MAPK8: variants seen among roughly 807,000 people sequenced by gnomAD.
MAPK8 encodes JUN N-terminal kinase.
Under a neutral mutation model 52.9 loss-of-function variants are expected in MAPK8, and 13 were observed. The ratio of observed to expected loss-of-function variants is 0.25; its 90% CI spans 0.16 to 0.39. MAPK8 has a LOEUF of 0.39. Ranked by LOEUF, MAPK8 falls within the 10% of genes least tolerant of loss-of-function variation. MAPK8 has a pLI of 1.00. For synonymous variants in MAPK8, 191 were observed against 169.8 expected, an observed-to-expected ratio of 1.12 and a Z score of -0.97; for missense variants, 300 against 519.2, an observed-to-expected ratio of 0.58 and a Z score of 4.10.
At chr10:48,333,075 T>C (rs1179106753) in intron 1 of MAPK8, among the ~76,000 whole-genome samples, 1 of 152,214 alleles carries the variant, frequency 6.6e-6, no homozygotes, top group African/African-American at 2.4e-5. Context: ...TATCTCATCA[T>C]GTAGTAGAGC....
chr10:48,432,702 ATG>A (rs1413690665), intron 11 of MAPK8, among the ~76,000 whole-genome samples: 4 of 152,318 alleles, frequency 2.6e-5, no homozygotes, highest in Non-Finnish European at 5.9e-5. Flanking sequence ...GTTTGAGTAA[ATG>A]TAATAATTTC....
At chr10:48,367,871 G>T (rs1351374756) in intron 1 of MAPK8, among the ~76,000 whole-genome samples, 1 of 152,190 alleles carries the variant, frequency 6.6e-6, no homozygotes, top group African/African-American at 2.4e-5. Context: ...AGGCATCAAG[G>T]CAGAAAAGCT....
intron 1 of MAPK8, among the ~76,000 whole-genome samples, chr10:48,334,233 T>G (rs1252540494): frequency 3.9e-5 from 6 of 152,140 alleles, no homozygotes; most frequent in African/African-American, 1.4e-4. Flanking sequence ...CCTCTTTCCT[T>G]TGTCCCCTAA....
chr10:48,407,191 A>G (rs892890777), intron 3 of MAPK8, among the ~76,000 whole-genome samples: 2 of 152,116 alleles, frequency 1.3e-5, no homozygotes, highest in South Asian at 2.1e-4. Flanking sequence ...TGCTCAGGAT[A>G]TCTTTGTAAT....
chr10:48,357,782 C>T (rs1847118356), intron 1 of MAPK8, among the ~76,000 whole-genome samples: 1 of 152,276 alleles, frequency 6.6e-6, no homozygotes, highest in East Asian at 1.9e-4. Context: ...TGTTGTGCAT[C>T]CGTCACCACT....
At chr10:48,414,880 C>G (rs578254096) in intron 5 of MAPK8, among the ~76,000 whole-genome samples, 2 of 151,932 alleles carry the variant, frequency 1.3e-5, no homozygotes, top group Non-Finnish European at 2.9e-5. Context: ...TCATGCCCAG[C>G]CTGGAATTTT....
chr10:48,334,635 C>A (rs959071256), intron 1 of MAPK8, among the ~76,000 whole-genome samples: 1 of 152,160 alleles, frequency 6.6e-6, no homozygotes, highest in Non-Finnish European at 1.5e-5. Context: ...ACAGAGCGGG[C>A]CACCTAAATC....
chr10:48,426,115 A>G (rs1257276670), intron 8 of MAPK8, 45 bp downstream of exon 8: 1 of 1,511,644 alleles, frequency 6.6e-7, no homozygotes, highest in Non-Finnish European at 9.0e-7. Flanking sequence ...TGGGGTGTGT[A>G]GTGTGTGTGT....
At chr10:48,344,542 C>T (rs1252275181) in intron 1 of MAPK8, among the ~76,000 whole-genome samples, 1 of 152,182 alleles carries the variant, frequency 6.6e-6, no homozygotes, top group Non-Finnish European at 1.5e-5. Flanking sequence ...GCATACATTT[C>T]TGAACTGGCA....
intron 1 of MAPK8, among the ~76,000 whole-genome samples, chr10:48,328,288 T>C (rs1248982369): frequency 6.6e-6 from 1 of 151,634 alleles, no homozygotes; most frequent in Non-Finnish European, 1.5e-5. Flanking sequence ...ATTTATATTT[T>C]CAATGAGCCA....
At chr10:48,347,046 C>A (rs1845858136) in intron 1 of MAPK8, among the ~76,000 whole-genome samples, 2 of 152,172 alleles carry the variant, frequency 1.3e-5, no homozygotes, top group Admixed American at 1.3e-4. Context: ...CCCCCGGGCC[C>A]AGCTGCTTTT....
At chr10:48,339,658 CTATA>C (rs1408765797) in intron 1 of MAPK8, among the ~76,000 whole-genome samples, 3 of 152,078 alleles carry the variant, frequency 2.0e-5, no homozygotes, top group African/African-American at 7.2e-5. Flanking sequence ...TATTTGCAAA[CTATA>C]TATCCAGTAA....
intron 1 of MAPK8, among the ~76,000 whole-genome samples, chr10:48,352,128 AC>A (rs2132444956): frequency 6.6e-6 from 1 of 152,340 alleles, no homozygotes; most frequent in East Asian, 1.9e-4. Context: ...TAGTGCTACA[AC>A]TTAATAGAAC....
At chr10:48,345,548 G>A (rs931928592) in intron 1 of MAPK8, among the ~76,000 whole-genome samples, 6 of 152,104 alleles carry the variant, frequency 3.9e-5, no homozygotes, top group African/African-American at 9.7e-5. Flanking sequence ...AAAATGATAC[G>A]TAAACTTCTA....
chr10:48,340,835 A>G (rs1473551741), intron 1 of MAPK8, among the ~76,000 whole-genome samples: 1 of 152,208 alleles, frequency 6.6e-6, no homozygotes, highest in Non-Finnish European at 1.5e-5. Flanking sequence ...TCTTCTCTCT[A>G]TACTGCCCTA....
intron 1 of MAPK8, among the ~76,000 whole-genome samples, chr10:48,384,365 A>AT (rs2041187937): frequency 6.6e-6 from 1 of 152,242 alleles, no homozygotes; most frequent in South Asian, 2.1e-4. Context: ...CAGTGAGGTA[A>AT]AGACCCTTAC....
intron 1 of MAPK8, among the ~76,000 whole-genome samples, chr10:48,312,428 A>G (rs1415646327): frequency 2.0e-5 from 3 of 152,234 alleles, no homozygotes; most frequent in Non-Finnish European, 4.4e-5. Context: ...ATTGAGAAGT[A>G]TAGTCCTCCA....
At chr10:48,395,077 A>C (rs573515813) in intron 1 of MAPK8, among the ~76,000 whole-genome samples, 2 of 151,946 alleles carry the variant, frequency 1.3e-5, no homozygotes, top group African/African-American at 4.8e-5. Context: ...CTATAATACC[A>C]TTTCTCCCCA....
intron 1 of MAPK8, among the ~76,000 whole-genome samples, chr10:48,386,615 T>C (rs537816533): frequency 6.7e-6 from 1 of 149,924 alleles, no homozygotes; most frequent in East Asian, 1.9e-4. Context: ...TGAAGTGTTA[T>C]GGTAATATCA....
Sources: allele counts gnomAD v4.1 joint callset (sites outside exome capture counted in the v4.1 genomes callset), GRCh38; gene constraint gnomAD v4.1.1; transcripts MANE v1.5; gene names NCBI Gene and HGNC (gene_info 2026-07-23, HGNC 2026-07-21).